Variants in PHF11 observed in about 807,000 individuals in gnomAD.
The protein encoded by PHF11 is BRCA1 C-terminus-associated protein.
A neutral mutation model predicts 40.5 loss-of-function variants in PHF11; 38 were observed. The observed-to-expected ratio is 0.94, with a 90% CI of 0.72 to 1.23. PHF11 has a LOEUF of 1.23. PHF11 is among the 50% of genes most tolerant of loss of function. The pLI, the probability that PHF11 is intolerant of heterozygous loss-of-function variation, is 0.00. For missense variants in PHF11, 369 were observed against 392.4 expected (o/e 0.94, Z 0.50); for synonymous variants, 127 against 138.2 (o/e 0.92, Z 0.57).
chr13:49,499,213 AC>A (rs922687429), intron 1 of PHF11, among the ~76,000 whole-genome samples: 1 of 152,212 alleles, frequency 6.6e-6, no homozygotes, highest in African/African-American at 2.4e-5. Context: ...TCTTTAAGAA[AC>A]CAGCCCAATC....
chr13:49,502,841 G>A (rs1958928478), intron 1 of PHF11, among the ~76,000 whole-genome samples: 1 of 152,054 alleles, frequency 6.6e-6, no homozygotes, highest in South Asian at 2.1e-4. Context: ...TCCTGCCTCA[G>A]CCTCCCGAGT....
chr13:49,524,543 T>TGCCTCACTGCA (rs1413449962), intron 8 of PHF11, among the ~76,000 whole-genome samples: 1 of 151,856 alleles, frequency 6.6e-6, no homozygotes, highest in African/African-American at 2.4e-5. Flanking sequence ...GGTGCGATCT[T>TGCCTCACTGCA]GCCTCACTGC....
chr13:49,525,673 TG>T, intron 8 of PHF11: 1 of 359,294 alleles, frequency 2.8e-6, no homozygotes, highest in Non-Finnish European at 5.5e-6. Flanking sequence ...TTTATTTGAA[TG>T]GGATTATTTT....
rs73188692 is a variant in PHF11 at position 49,506,691 on chromosome 13, G to T, written c.151G>T (p.Asp51Tyr). The T allele has an allele frequency of 6.2e-6, 10 of 1,609,710 alleles. No homozygotes were observed. The highest frequency in any genetic ancestry group is 8.5e-6 in the Non-Finnish European group (10 of 1,176,142). The change falls in exon 2 of 10, where the codon GAT becomes TAT. Residue 51 changes from aspartate to tyrosine, a missense_variant. Coordinates refer to ENST00000378319, the MANE Select transcript of PHF11 (RefSeq NM_001040443.3). ...EKRTCALCPKDVEYNVLYFAQ... is the reference protein window; with the variant it reads ...EKRTCALCPKYVEYNVLYFAQ... ...AAGGACATGTGCACTCTGCCCCAAA[G>T]ATGTCGAATATAATGTCCTATACTT... is the stretch of plus-strand genomic sequence containing the variant.
In PHF11 at chr13:49,528,835, T is replaced by C; in HGVS notation, c.*170T>C. ...TTTGATCACTCTTTGCACACTCTTGTGTTTTTTGCTCACTGTCACATTCCC... is the reference window on the plus strand; with the variant it reads ...TTTGATCACTCTTTGCACACTCTTGCGTTTTTTGCTCACTGTCACATTCCC... On this transcript the variant is annotated 3_prime_UTR_variant, in exon 10 of 10. Coordinates refer to ENST00000378319, the MANE Select transcript of PHF11 (RefSeq NM_001040443.3). 1 of 541,904 alleles carries C rather than the reference T, an allele frequency of 1.8e-6. No individual in the cohort carries two copies. Among genetic ancestry groups the C allele is most frequent in the South Asian group, 2.9e-5 (1 of 34,782 alleles). 33.6% of individuals were successfully genotyped at this position (541,904 alleles called of 1,614,324 possible). A position where few individuals can be genotyped will look rare whatever the true frequency, so the allele number is the denominator to read the frequency against.
At chr13:49,508,193 T>G (rs934651564) in intron 2 of PHF11, among the ~76,000 whole-genome samples, 3 of 147,738 alleles carry the variant, frequency 2.0e-5, no homozygotes, top group Non-Finnish European at 4.5e-5. Context: ...GCAGTATGTA[T>G]TAATATATTA....
At chr13:49,498,876 T>A (rs1958861921) in intron 1 of PHF11, among the ~76,000 whole-genome samples, 1 of 152,128 alleles carries the variant, frequency 6.6e-6, no homozygotes, top group Admixed American at 6.5e-5. Context: ...ATCAAGTAAG[T>A]CATGGTCCTT....
intron 1 of PHF11, chr13:49,496,530 G>GT: frequency 6.2e-6 from 5 of 811,534 alleles, no homozygotes; most frequent in Non-Finnish European, 6.0e-6. Context: ...TCACGTTCAC[G>GT]GAGGACGTGA....
intron 8 of PHF11, 53 bp from the exon 9 acceptor site, chr13:49,526,334 G>A: frequency 6.5e-6 from 7 of 1,083,140 alleles, no homozygotes; most frequent in South Asian, 2.6e-5. Context: ...ATAAATGGAG[G>A]AGTTTCTGCC....
chr13:49,513,182 G>A lies in PHF11; in HGVS notation c.324+16G>A. On this transcript the variant is annotated intron_variant, in intron 3 of 9. Coordinates refer to ENST00000378319, the MANE Select transcript of PHF11 (RefSeq NM_001040443.3). ...AAGGAAGTTGGTAAGTGTAAATGAT[G>A]TTATTTCTTATACTGGATGAACAGA... The A allele has an allele frequency of 8.2e-7, 1 of 1,224,440 alleles. No homozygotes were observed. Among genetic ancestry groups the A allele is most frequent in the Non-Finnish European group, 1.2e-6 (1 of 826,758 alleles). 75.8% of individuals were successfully genotyped at this position (1,224,440 alleles called of 1,614,324 possible).
intron 2 of PHF11, 152 bp from the exon 3 acceptor site, chr13:49,512,907 T>C: frequency 1.7e-6 from 1 of 577,988 alleles, no homozygotes; most frequent in Non-Finnish European, 3.1e-6. Context: ...GGATGGCTTA[T>C]GGTCTGCTCA....
intron 6 of PHF11, 135 bp from the exon 7 acceptor site, chr13:49,523,040 G>A: frequency 1.4e-6 from 1 of 702,528 alleles, no homozygotes; most frequent in South Asian, 1.5e-5. Context: ...TGAGATTACA[G>A]GCGTGAGACA....
intron 9 of PHF11, among the ~76,000 whole-genome samples, chr13:49,527,568 C>G (rs574109935): frequency 6.6e-6 from 1 of 152,266 alleles, no homozygotes; most frequent in Non-Finnish European, 1.5e-5. Context: ...GAAAAATCTA[C>G]CAAAAAGAGT....
At chr13:49,496,387 G>A in intron 1 of PHF11, 1 of 1,139,656 alleles carries the variant, frequency 8.8e-7, no homozygotes, top group Non-Finnish European at 1.1e-6. Context: ...TCCCCCGCGG[G>A]TGACAGCCCA....
chr13:49,520,894 A>G lies in PHF11; in HGVS notation c.459A>G (p.Lys153=), dbSNP rs749939484. Residue 153 remains lysine (K), a splice_region_variant and synonymous_variant, in exon 5 of 10, where the codon AAA becomes AAG. Coordinates refer to ENST00000378319, the MANE Select transcript of PHF11 (RefSeq NM_001040443.3). ...AATTCTTTGAAATTAAATATTTCAGACTGCTTTGCCAGCAACATGCTCAAT... is the reference window on the plus strand; with the variant it reads ...AATTCTTTGAAATTAAATATTTCAGGCTGCTTTGCCAGCAACATGCTCAAT... ...PQSDGVRGIY[K]LLCQQHAQFP... is the part of the protein sequence containing the mutation. The G allele has an allele frequency of 1.5e-5, 24 of 1,561,942 alleles. No homozygotes were observed. Among genetic ancestry groups the G allele is most frequent in the Non-Finnish European group, 2.0e-5 (23 of 1,142,138 alleles).
chr13:49,502,848 G>A (rs1437546883), intron 1 of PHF11, among the ~76,000 whole-genome samples: 1 of 151,846 alleles, frequency 6.6e-6, no homozygotes, highest in Non-Finnish European at 1.5e-5. Flanking sequence ...TCAGCCTCCC[G>A]AGTAGCTGGG....
At chr13:49,515,431 A>C (rs1959138114) in intron 3 of PHF11, among the ~76,000 whole-genome samples, 1 of 150,640 alleles carries the variant, frequency 6.6e-6, no homozygotes, top group Non-Finnish European at 1.5e-5. Context: ...TAAAGTGGCC[A>C]AAAAAGTACA....
At chr13:49,524,870 C>G (rs147870561) in intron 8 of PHF11, among the ~76,000 whole-genome samples, 1 of 152,276 alleles carries the variant, frequency 6.6e-6, no homozygotes, top group East Asian at 1.9e-4. Context: ...GTAATTTAGT[C>G]AAAAGTAACC....
At chr13:49,504,619 C>T (rs1393662597) in intron 1 of PHF11, among the ~76,000 whole-genome samples, 1 of 147,254 alleles carries the variant, frequency 6.8e-6, no homozygotes, top group Non-Finnish European at 1.5e-5. Flanking sequence ...CCCGGCCAGC[C>T]GCCCCGTCCG....
Sources: gnomAD v4.1 joint callset for allele counts (sites outside exome capture counted in the v4.1 genomes callset) on GRCh38, gnomAD v4.1.1 for gene constraint, MANE v1.5 for transcripts, NCBI Gene and HGNC (gene_info 2026-07-23, HGNC 2026-07-21) for gene names.